The following HSDL2 variants were observed in gnomAD, a reference collection of about 807,000 sequenced individuals.
The protein encoded by HSDL2 is hydroxysteroid dehydrogenase like 2, also known as hydroxysteroid dehydrogenase-like protein 2.
In HSDL2, 27 loss-of-function variants were observed where a neutral mutation model predicts 46.3. That is an observed-to-expected ratio of 0.58 (90% CI 0.43 to 0.80). The LOEUF (loss-of-function observed/expected upper bound fraction) is 0.80, where lower values mean the gene tolerates loss of function less well. Among genes scored for constraint, HSDL2 ranks in the 30% least tolerant of loss-of-function variants. HSDL2 has a pLI of 0.00. For missense variants in HSDL2, 451 were observed against 502.7 expected, an observed-to-expected ratio of 0.90 and a Z score of 0.98; for synonymous variants, 153 against 163.6, an observed-to-expected ratio of 0.94 and a Z score of 0.50.
intron 1 of HSDL2, among the ~76,000 whole-genome samples, chr9:112,381,491 C>T (rs1831094442): frequency 6.6e-6 from 1 of 152,116 alleles, no homozygotes; most frequent in African/African-American, 2.4e-5. Context: ...GTAGCTGGGA[C>T]TTCAGGCGCG....
intron 6 of HSDL2, among the ~76,000 whole-genome samples, chr9:112,423,368 T>A (rs1376383541): frequency 6.6e-6 from 1 of 152,086 alleles, no homozygotes; most frequent in Admixed American, 6.5e-5. Flanking sequence ...TGAGACGGAG[T>A]TTCGTTCTTG....
intron 4 of HSDL2, chr9:112,413,886 CTA>C (rs1255745798): frequency 6.2e-6 from 1 of 161,242 alleles, no homozygotes; most frequent in African/African-American, 2.4e-5. Context: ...CGCGTCCACC[CTA>C]CTGCTGTGTC....
intron 1 of HSDL2, among the ~76,000 whole-genome samples, chr9:112,395,558 G>A (rs538724466): frequency 7.2e-5 from 11 of 152,338 alleles, no homozygotes; most frequent in African/African-American, 2.4e-4. Flanking sequence ...ATGAGCTGCA[G>A]GCTCCTGATT....
rs543156679 is a variant in HSDL2, at chr9:112,380,195, G to T, written c.17+15G>T. 1 of 1,564,588 alleles carries T rather than the reference G, an allele frequency of 6.4e-7. No individual in the cohort carries two copies. Among genetic ancestry groups the T allele is most frequent in the Non-Finnish European group, 8.7e-7 (1 of 1,153,822 alleles). ...CCCAACACCGGGTAAGGGGGTAGGGGCGGCGCGGGGAGAGACCCTGTCGGG... is the reference window on the plus strand; with the variant it reads ...CCCAACACCGGGTAAGGGGGTAGGGTCGGCGCGGGGAGAGACCCTGTCGGG... On this transcript the variant is annotated intron_variant, in intron 1 of 10. Coordinates refer to ENST00000398805, the MANE Select transcript of HSDL2 (RefSeq NM_032303.5).
intron 1 of HSDL2, among the ~76,000 whole-genome samples, chr9:112,391,902 AAG>A (rs1420492763): frequency 1.4e-4 from 21 of 151,834 alleles, no homozygotes; most frequent in African/African-American, 4.4e-4. Context: ...AAAAAAAGAA[AAG>A]AAAAGAAAAA....
intron 6 of HSDL2, among the ~76,000 whole-genome samples, chr9:112,426,927 G>A (rs7872854): frequency 0.016 from 2,387 of 152,144 alleles, 55 homozygotes; most frequent in African/African-American, 0.055. Context: ...AGTACATCAC[G>A]TACTATTCCG....
At chr9:112,408,610 C>T (rs1397144631) in intron 3 of HSDL2, among the ~76,000 whole-genome samples, 3 of 152,142 alleles carry the variant, frequency 2.0e-5, no homozygotes, top group Admixed American at 2.0e-4. Flanking sequence ...ATGGCATAGC[C>T]TATTGCTTCC....
intron 1 of HSDL2, among the ~76,000 whole-genome samples, chr9:112,393,300 C>T (rs1233275495): frequency 2.0e-5 from 3 of 152,220 alleles, no homozygotes; most frequent in African/African-American, 7.2e-5. Flanking sequence ...ATCTTCCCTA[C>T]CCAGCAGGTG....
At chr9:112,415,305 T>C (rs1831966517) in intron 4 of HSDL2, among the ~76,000 whole-genome samples, 1 of 152,226 alleles carries the variant, frequency 6.6e-6, no homozygotes, top group Non-Finnish European at 1.5e-5. Flanking sequence ...TAAATCAGCA[T>C]ACATAATACT....
At chr9:112,425,396 G>T (rs556220990) in intron 6 of HSDL2, among the ~76,000 whole-genome samples, 1 of 152,228 alleles carries the variant, frequency 6.6e-6, no homozygotes, top group Non-Finnish European at 1.5e-5. Context: ...AACTATTGGA[G>T]AATTAAGCAA....
At chr9:112,414,210 TG>T (rs1320381585) in intron 4 of HSDL2, among the ~76,000 whole-genome samples, 2 of 152,362 alleles carry the variant, frequency 1.3e-5, no homozygotes, top group East Asian at 3.9e-4. Flanking sequence ...TACGGGTCTT[TG>T]AATACATTTT....
At chr9:112,391,484 T>G (rs1467113834) in intron 1 of HSDL2, among the ~76,000 whole-genome samples, 1 of 151,870 alleles carries the variant, frequency 6.6e-6, no homozygotes. Context: ...GATAAAGAAT[T>G]TCTGCTAATC....
chr9:112,381,506 A>G (rs1298354054), intron 1 of HSDL2, among the ~76,000 whole-genome samples: 2 of 152,066 alleles, frequency 1.3e-5, no homozygotes, highest in African/African-American at 4.8e-5. Flanking sequence ...GGCGCGTGCC[A>G]CCACGCCCTG....
intron 1 of HSDL2, among the ~76,000 whole-genome samples, chr9:112,397,431 T>G (rs1355976042): frequency 6.6e-6 from 1 of 152,194 alleles, no homozygotes; most frequent in Admixed American, 6.5e-5. Flanking sequence ...AGAGATGAAT[T>G]TTTCAACAGC....
intron 2 of HSDL2, 63 bp downstream of exon 2, chr9:112,404,221 G>C: frequency 6.7e-7 from 1 of 1,501,268 alleles, no homozygotes; most frequent in Non-Finnish European, 9.1e-7. Flanking sequence ...TAGAGAATTT[G>C]CTGGAGAGTT....
chr9:112,420,169 C>T (rs534706250), intron 6 of HSDL2, among the ~76,000 whole-genome samples: 8 of 152,070 alleles, frequency 5.3e-5, no homozygotes, highest in East Asian at 3.9e-4. Flanking sequence ...GGCAAAACCC[C>T]GTGTCTACTA....
intron 1 of HSDL2, among the ~76,000 whole-genome samples, chr9:112,397,132 A>G (rs773803917): frequency 5.3e-5 from 8 of 152,102 alleles, no homozygotes; most frequent in Non-Finnish European, 1.2e-4. Flanking sequence ...TAAGTTTTTA[A>G]TGGTGCAGTT....
intron 1 of HSDL2, among the ~76,000 whole-genome samples, chr9:112,390,432 C>A (rs983979654): frequency 6.6e-6 from 1 of 152,002 alleles, no homozygotes; most frequent in Non-Finnish European, 1.5e-5. Context: ...AAAATTAATT[C>A]CAGGTAGATT....
At chr9:112,406,498 CT>C (rs1437266498) in intron 3 of HSDL2, among the ~76,000 whole-genome samples, 1 of 151,594 alleles carries the variant, frequency 6.6e-6, no homozygotes, top group East Asian at 1.9e-4. Flanking sequence ...GAGACTGAGT[CT>C]TGCTCTTGTC....
Sources: gnomAD v4.1 joint callset for allele counts (sites outside exome capture counted in the v4.1 genomes callset) on GRCh38, gnomAD v4.1.1 for gene constraint, MANE v1.5 for transcripts, NCBI Gene and HGNC (gene_info 2026-07-23, HGNC 2026-07-21) for gene names.